CECR2: variants seen among roughly 807,000 people sequenced by gnomAD.
CECR2 encodes the protein CECR2 histone acetyl-lysine reader, also known as chromatin remodeling regulator CECR2.
Under a neutral mutation model 154.5 loss-of-function variants are expected in CECR2, and 30 were observed. The ratio of observed to expected loss-of-function variants is 0.19; its 90% CI spans 0.15 to 0.26. The LOEUF is 0.26. Ranked by LOEUF, CECR2 falls within the 10% of genes least tolerant of loss-of-function variation. The pLI is 1.00. For synonymous variants in CECR2, 725 were observed against 683.7 expected, an observed-to-expected ratio of 1.06 and a Z score of -0.94; for missense variants, 1,743 against 1,829.3, an observed-to-expected ratio of 0.95 and a Z score of 0.86.
chr22:17,481,340 C>G (rs2055313671), intron 2 of CECR2, among the ~76,000 whole-genome samples: 1 of 32,340 alleles, frequency 3.1e-5, no homozygotes. Flanking sequence ...GAGACTCTGT[C>G]TCAAAAAAAA....
At chr22:17,393,101 C>T (rs373229008) in intron 1 of CECR2, among the ~76,000 whole-genome samples, 5 of 152,138 alleles carry the variant, frequency 3.3e-5, no homozygotes, top group Non-Finnish European at 4.4e-5. Flanking sequence ...ACTGTTGCCA[C>T]CGTAACCATA....
At chr22:17,466,534 C>T (rs1014174921) in intron 1 of CECR2, among the ~76,000 whole-genome samples, 1 of 151,402 alleles carries the variant, frequency 6.6e-6, no homozygotes, top group East Asian at 1.9e-4. Context: ...GTAAATAAGC[C>T]AAAGAATGGA....
intron 9 of CECR2, among the ~76,000 whole-genome samples, chr22:17,535,323 A>T (rs978078142): frequency 2.6e-5 from 4 of 152,118 alleles, no homozygotes; most frequent in Non-Finnish European, 4.4e-5. Context: ...ATCTCAAAAA[A>T]AAAAAAATTC....
chr22:17,542,302 A>C lies in CECR2; in HGVS notation c.2159A>C (p.Asp720Ala). 1 of 1,612,328 alleles carries C rather than the reference A, an allele frequency of 6.2e-7. No homozygotes were observed. ...GGGCAGATAAGTGGCCCAAGTCAGG[A>C]TGGAAGCATGTATGCTCCAGCTCAG... ...QLGQISGPSQ[D>A]GSMYAPAQFQ... The change falls in exon 16 of 19, where the codon GAT (aspartate) becomes GCT (alanine). Residue 720 changes from aspartate (D) to alanine (A), a missense_variant. Transcript: ENST00000262608.
intron 1 of CECR2, among the ~76,000 whole-genome samples, chr22:17,410,241 A>G (rs1357294105): frequency 6.6e-6 from 1 of 151,948 alleles, no homozygotes; most frequent in Non-Finnish European, 1.5e-5. Flanking sequence ...GGCCTCCCAG[A>G]GTGCTGGGAT....
intron 1 of CECR2, among the ~76,000 whole-genome samples, chr22:17,434,597 GTTCACCCCCACCAT>G (rs2054474711): frequency 6.6e-6 from 1 of 151,904 alleles, no homozygotes; most frequent in African/African-American, 2.4e-5. Flanking sequence ...CTAGAAATAA[GTTCACCCCCACCAT>G]GGATTAGAAC....
At chr22:17,543,101 CTCTT>C (rs2056557131) in intron 16 of CECR2, 98 bp downstream of exon 16, 12 of 1,323,788 alleles carry the variant, frequency 9.1e-6, no homozygotes, top group South Asian at 1.6e-5. Flanking sequence ...TTCCCAGCCT[CTCTT>C]TCTTTGTTTA....
intron 8 of CECR2, among the ~76,000 whole-genome samples, chr22:17,517,710 G>A (rs1044694755): frequency 6.6e-6 from 1 of 152,158 alleles, no homozygotes; most frequent in African/African-American, 2.4e-5. Context: ...ACTTATCCAC[G>A]TACACAACTC....
chr22:17,428,379 T>G (rs1296787178), intron 1 of CECR2: 1 of 150,032 alleles, frequency 6.7e-6, no homozygotes, highest in Non-Finnish European at 1.5e-5. Flanking sequence ...GCTTGTACAG[T>G]GGCGATTTTT....
chr22:17,436,690 A>G (rs1219555124), intron 1 of CECR2, among the ~76,000 whole-genome samples: 1 of 152,252 alleles, frequency 6.6e-6, no homozygotes, highest in East Asian at 1.9e-4. Flanking sequence ...CGGGACCAGT[A>G]TCAGTCCTCA....
rs1243180877 is a variant in CECR2, at chr22:17,524,245, T to G, written c.1082T>G (p.Leu361Trp). 5.6e-6 allele frequency: 9 copies of G among 1,609,560 alleles called. No homozygotes were observed. Among genetic ancestry groups the G allele is most frequent in the Non-Finnish European group, 6.8e-6 (8 of 1,178,222 alleles). The change falls in exon 9 of 19, where the codon TTG becomes TGG. Residue 361 changes from leucine (L) to tryptophan (W), a missense_variant. Physicochemically the swap from Leu to Trp is moderately conservative, Grantham distance 61. Around this residue, in one of 4 missense-constraint regions of CECR2, gnomAD observed 292 missense variants for 301.2 expected, o/e 0.97. Coordinates refer to ENST00000262608, the MANE Select transcript of CECR2 (RefSeq NM_001290047.2). ...CTAAAGGAAGAGAGGAAACGCGAGT[T>G]GGAGGAGAAGGTCAAGGCAGTGGAA... Reference protein sequence around the residue: ...QMLKEERKRELEEKVKAVEDR... With the variant: ...QMLKEERKREWEEKVKAVEDR...
chr22:17,416,937 A>G (rs1282854514), intron 1 of CECR2, among the ~76,000 whole-genome samples: 2 of 152,170 alleles, frequency 1.3e-5, no homozygotes, highest in South Asian at 2.1e-4. Flanking sequence ...GATTATTTCC[A>G]TATAGTAACT....
chr22:17,478,819 C>T (rs748790222), intron 2 of CECR2, among the ~76,000 whole-genome samples: 1 of 152,116 alleles, frequency 6.6e-6, no homozygotes, highest in Non-Finnish European at 1.5e-5. Context: ...ATTGCTCGTG[C>T]ACTAAGTATA....
chr22:17,365,538 CA>C (rs369340247), upstream of CECR2, among the ~76,000 whole-genome samples: 1 of 150,388 alleles, frequency 6.6e-6, no homozygotes, highest in African/African-American at 2.4e-5. Context: ...ACTAAAAATA[CA>C]AAAAAAATCA....
At chr22:17,499,375 C>T (rs2055694032) in intron 3 of CECR2, 35 bp from the exon 4 acceptor site, 2 of 1,587,778 alleles carry the variant, frequency 1.3e-6, no homozygotes, top group African/African-American at 1.4e-5. Flanking sequence ...TTTTGTTCCC[C>T]ATTTCCCCAA....
At chr22:17,533,807 C>T (rs2056396825) in intron 9 of CECR2, among the ~76,000 whole-genome samples, 1 of 150,442 alleles carries the variant, frequency 6.6e-6, no homozygotes, top group Non-Finnish European at 1.5e-5. Context: ...ACCTCCGCCT[C>T]TGGGGTTCAA....
At chr22:17,388,137 T>C (rs1276357285) in intron 1 of CECR2, among the ~76,000 whole-genome samples, 1 of 152,028 alleles carries the variant, frequency 6.6e-6, no homozygotes, top group Non-Finnish European at 1.5e-5. Flanking sequence ...ATATTTTTAG[T>C]AGAGACGGGT....
At chr22:17,375,268 C>T (rs2063104505) in intron 1 of CECR2, among the ~76,000 whole-genome samples, 2 of 151,948 alleles carry the variant, frequency 1.3e-5, no homozygotes, top group South Asian at 2.1e-4. Flanking sequence ...CATGCACCAC[C>T]ATGCCTGGCT....
At chr22:17,503,224 A>G (rs1601471273) in intron 6 of CECR2, 93 bp downstream of exon 6, 10 of 1,226,252 alleles carry the variant, frequency 8.2e-6, no homozygotes, top group Non-Finnish European at 1.2e-5. Flanking sequence ...ATACAAAGTA[A>G]AGGTTATTGC....
Sources: gnomAD v4.1 joint callset for allele counts (sites outside exome capture counted in the v4.1 genomes callset) on GRCh38, gnomAD v4.1.1 for gene constraint, gnomAD v4.1.1 regional missense constraint, MANE v1.5 for transcripts, NCBI Gene and HGNC (gene_info 2026-07-23, HGNC 2026-07-21) for gene names.